Variants in BNC2 observed in about 807,000 individuals in gnomAD.
BNC2 encodes basonuclin zinc finger protein 2, also known as zinc finger protein basonuclin-2.
BNC2 carries 20 observed loss-of-function variants against 76.3 expected under a neutral mutation model. The ratio of observed to expected loss-of-function variants is 0.26; its 90% CI spans 0.18 to 0.38. BNC2 has a LOEUF of 0.38. BNC2 is among the 10% of genes least tolerant of loss of function. The pLI, the probability that BNC2 is intolerant of heterozygous loss-of-function variation, is 1.00. For synonymous variants in BNC2, 582 were observed against 514.8 expected, an observed-to-expected ratio of 1.13 and a Z score of -1.77; for missense variants, 1,382 against 1,399.8, an observed-to-expected ratio of 0.99 and a Z score of 0.20.
In BNC2 at chr9:16,858,997, ACT is replaced by A. The variant is rs1345732266; in HGVS notation, c.3+11647_3+11648del. On this transcript the variant is annotated intron_variant, in intron 1 of 6. Coordinates refer to ENST00000380672, the MANE Select transcript of BNC2 (RefSeq NM_017637.6). ...TATAGACATATAGACAACTCTTAAA[ACT>A]CAACAACAACAAAAAAAGCCTGATT... Among the ~76,000 whole-genome samples the A allele has an allele frequency of 2.6e-5, 4 of 152,298 alleles. No individual in the cohort carries two copies. In the East Asian group the frequency reaches 7.7e-4, roughly 29 times the overall value.
intron 1 of BNC2, among the ~76,000 whole-genome samples, chr9:16,851,365 G>T (rs552323895): frequency 6.6e-6 from 1 of 151,896 alleles, no homozygotes; most frequent in Non-Finnish European, 1.5e-5. Context: ...ACTTACCCAG[G>T]CATGATGGCT....
At chr9:16,762,323 A>C (rs542172808) in intron 1 of BNC2, among the ~76,000 whole-genome samples, 50 of 152,284 alleles carry the variant, frequency 3.3e-4, no homozygotes, top group African/African-American at 1.2e-3. Context: ...AATGCCTTTG[A>C]ACACTATCCA....
intron 5 of BNC2, among the ~76,000 whole-genome samples, chr9:16,490,486 C>T (rs1470479697): frequency 6.6e-6 from 1 of 152,132 alleles, no homozygotes; most frequent in Non-Finnish European, 1.5e-5. Flanking sequence ...GTATCACTCA[C>T]CTTCCTCCAA....
intron 3 of BNC2, among the ~76,000 whole-genome samples, chr9:16,602,698 C>A (rs1820276707): frequency 6.6e-6 from 1 of 152,156 alleles, no homozygotes; most frequent in Admixed American, 6.5e-5. Context: ...GCTGCAACCA[C>A]CAACTTACTG....
intron 1 of BNC2, among the ~76,000 whole-genome samples, chr9:16,807,904 T>C (rs541436798): frequency 6.6e-6 from 1 of 152,248 alleles, no homozygotes; most frequent in Admixed American, 6.5e-5. Flanking sequence ...ATTTTATAAA[T>C]ATACTTTGTA....
chr9:16,653,014 C>T (rs144258772), intron 3 of BNC2, among the ~76,000 whole-genome samples: 79 of 152,060 alleles, frequency 5.2e-4, no homozygotes, highest in African/African-American at 1.9e-3. Flanking sequence ...AAAATGTTGG[C>T]GGTTATATGT....
intron 1 of BNC2, among the ~76,000 whole-genome samples, chr9:16,859,576 T>C (rs1819345243): frequency 2.0e-5 from 3 of 152,238 alleles, no homozygotes; most frequent in Admixed American, 2.0e-4. Flanking sequence ...ACATTAAGTT[T>C]CTAGCTAAGT....
intron 5 of BNC2, among the ~76,000 whole-genome samples, chr9:16,493,801 A>G (rs1329278519): frequency 6.6e-6 from 1 of 152,208 alleles, no homozygotes; most frequent in East Asian, 1.9e-4. Flanking sequence ...TGAAGAGCCA[A>G]ACAGGTGAAG....
intron 3 of BNC2, among the ~76,000 whole-genome samples, chr9:16,598,217 T>C (rs967339269): frequency 1.3e-5 from 2 of 152,200 alleles, no homozygotes; most frequent in Non-Finnish European, 2.9e-5. Context: ...ATATAATTTA[T>C]GTTAACCTCA....
intron 1 of BNC2, chr9:16,867,555 T>A (rs1240172990): frequency 1.3e-5 from 2 of 152,150 alleles, no homozygotes; most frequent in Non-Finnish European, 2.9e-5. Context: ...ACTTAAGGAA[T>A]ATTTAAAACC....
chr9:16,738,335 A>C lies in BNC2; in HGVS notation c.129+25T>G, dbSNP rs200906561. ...ATGCAAGTGTGTCCAAGTAACTTAA[A>C]GGGGGAAAAAAAAAACCAACATACC... is the stretch of plus-strand genomic sequence containing the variant. On this transcript the variant is annotated intron_variant, in intron 2 of 6. Transcript: ENST00000380672. 1.2e-3 allele frequency: 1,819 copies of C among 1,489,168 alleles called. 2 individuals are homozygous for C. Among genetic ancestry groups the C allele is most frequent in the Non-Finnish European group, 1.5e-3 (1,702 of 1,123,008 alleles). 92.2% of individuals were successfully genotyped at this position (1,489,168 alleles called of 1,614,324 possible).
chr9:16,525,940 G>C (rs1817786399), intron 5 of BNC2, among the ~76,000 whole-genome samples: 1 of 151,934 alleles, frequency 6.6e-6, no homozygotes, highest in Non-Finnish European at 1.5e-5. Context: ...CTTTAAAAGT[G>C]TATTTGATAC....
intron 2 of BNC2, among the ~76,000 whole-genome samples, chr9:16,729,021 A>T (rs1324836602): frequency 2.6e-5 from 4 of 152,224 alleles, no homozygotes; most frequent in African/African-American, 9.6e-5. Context: ...TAATGAATAT[A>T]AAAACTCCAT....
chr9:16,434,874 G>T (rs1457083329), intron 6 of BNC2: 2 of 460,154 alleles, frequency 4.3e-6, no homozygotes, highest in East Asian at 1.4e-4. Flanking sequence ...TGTGCTCAAA[G>T]ACATTATGAA....
At chr9:16,723,194 G>C (rs974154893) in intron 3 of BNC2, among the ~76,000 whole-genome samples, 1 of 152,066 alleles carries the variant, frequency 6.6e-6, no homozygotes, top group African/African-American at 2.4e-5. Context: ...CATACTAACT[G>C]TAAGGAAGGG....
intron 3 of BNC2, among the ~76,000 whole-genome samples, chr9:16,654,050 T>C (rs376677645): frequency 1.3e-4 from 20 of 152,240 alleles, no homozygotes; most frequent in African/African-American, 4.8e-4. Context: ...ACAAGCGCAG[T>C]CTGCACAGAG....
intron 1 of BNC2, among the ~76,000 whole-genome samples, chr9:16,793,994 G>C (rs544150285): frequency 2.6e-5 from 4 of 151,226 alleles, no homozygotes; most frequent in Non-Finnish European, 5.9e-5. Context: ...GAGCCACCGC[G>C]CCGGGCCTTG....
chr9:16,425,899 A>G (rs1400192052), intron 6 of BNC2, among the ~76,000 whole-genome samples: 2 of 152,266 alleles, frequency 1.3e-5, no homozygotes, highest in Admixed American at 1.3e-4. Flanking sequence ...GGTTAAGTGT[A>G]GAATTGATAT....
At chr9:16,862,013 A>G (rs987793957) in intron 1 of BNC2, among the ~76,000 whole-genome samples, 4 of 151,962 alleles carry the variant, frequency 2.6e-5, no homozygotes, top group African/African-American at 9.7e-5. Flanking sequence ...AAAAAGACAC[A>G]TAACAAGTGT....
Sources: allele counts gnomAD v4.1 joint callset (sites outside exome capture counted in the v4.1 genomes callset), GRCh38; gene constraint gnomAD v4.1.1; transcripts MANE v1.5; gene names NCBI Gene and HGNC (gene_info 2026-07-23, HGNC 2026-07-21).